Variants in MTOR observed in about 807,000 individuals in gnomAD.
MTOR encodes serine/threonine-protein kinase mTOR.
Under a neutral mutation model 319.8 loss-of-function variants are expected in MTOR, and 70 were observed. The observed-to-expected ratio is 0.22, with a 90% confidence interval of 0.18 to 0.27. The LOEUF is 0.27. Ranked by LOEUF, MTOR falls within the 10% of genes least tolerant of loss-of-function variation. The pLI, the probability that MTOR is intolerant of heterozygous loss-of-function variation, is 1.00. For missense variants in MTOR, 1,890 were observed against 3,274.4 expected (o/e 0.58, Z 10.32); for synonymous variants, 1,183 against 1,211.4 (o/e 0.98, Z 0.49).
At chr1:11,210,965 G>C (rs1646293552) in intron 23 of MTOR, 59 bp from the exon 24 acceptor site, 1 of 1,060,538 alleles carries the variant, frequency 9.4e-7, no homozygotes, top group African/African-American at 1.6e-5. Flanking sequence ...AGAAAAAGTA[G>C]AGGAAAAAAT....
At chr1:11,117,144 T>A in intron 49 of MTOR, 58 bp from the exon 50 acceptor site, 1 of 1,321,060 alleles carries the variant, frequency 7.6e-7, no homozygotes, top group Non-Finnish European at 1.1e-6. Context: ...TCAACATAAT[T>A]ATACTCTAAT....
At chr1:11,225,946 T>C (rs1202256408) in intron 19 of MTOR, among the ~76,000 whole-genome samples, 1 of 152,068 alleles carries the variant, frequency 6.6e-6, no homozygotes, top group Non-Finnish European at 1.5e-5. Flanking sequence ...GCTAAACAGA[T>C]CTTTGAGCCC....
chr1:11,186,303 C>T (rs978343164), intron 28 of MTOR, among the ~76,000 whole-genome samples: 2 of 152,134 alleles, frequency 1.3e-5, no homozygotes, highest in Admixed American at 6.5e-5. Flanking sequence ...GGATCTGATG[C>T]TCCTCTCTGG....
intron 1 of MTOR, among the ~76,000 whole-genome samples, chr1:11,260,220 G>A (rs1650937966): frequency 6.6e-6 from 1 of 152,194 alleles, no homozygotes; most frequent in Non-Finnish European, 1.5e-5. Context: ...TCTAAAAAGA[G>A]AGATTATTAT....
intron 46 of MTOR, among the ~76,000 whole-genome samples, chr1:11,126,231 T>C (rs1642830746): frequency 6.9e-6 from 1 of 144,888 alleles, no homozygotes; most frequent in African/African-American, 2.7e-5. Context: ...GAGACTATGA[T>C]GGTAAAAAAA....
chr1:11,140,982 T>TG (rs1553176466), intron 34 of MTOR, among the ~76,000 whole-genome samples: 4 of 79,570 alleles, frequency 5.0e-5, no homozygotes, highest in Admixed American at 3.7e-4. Flanking sequence ...TTAAGACTTC[T>TG]GAAAAAAAAA....
At chr1:11,178,127 C>T (rs1645043996) in intron 28 of MTOR, among the ~76,000 whole-genome samples, 1 of 152,208 alleles carries the variant, frequency 6.6e-6, no homozygotes, top group South Asian at 2.1e-4. Flanking sequence ...AGGAGTGCTG[C>T]TGATGGCTCC....
Position 11,128,382 on chromosome 1 carries a change from C to T in MTOR, c.5910+72G>A. 1 of 1,491,616 alleles carries T rather than the reference C, an allele frequency of 6.7e-7. No homozygotes were observed. Among genetic ancestry groups the T allele is most frequent in the Non-Finnish European group, 9.3e-7 (1 of 1,072,172 alleles). 92.4% of individuals were successfully genotyped at this position (1,491,616 alleles called of 1,614,324 possible). On this transcript the variant is annotated intron_variant, in intron 42 of 57. Transcript: ENST00000361445. This position sits in a 1 kb window ranked among gnomAD's most constrained non-coding sequence, Gnocchi z 5.3. The stretch of plus-strand genomic sequence containing the variant: ...CTCCCAGTTCCTGCGCTTGTGTCGC[C>T]AGGGCAGCTTTTGGAAAGGCTGACC...
At chr1:11,260,136 A>T (rs1341051444) in intron 1 of MTOR, among the ~76,000 whole-genome samples, 2 of 152,254 alleles carry the variant, frequency 1.3e-5, no homozygotes, top group African/African-American at 4.8e-5. Flanking sequence ...ACATGGCAAA[A>T]TGCCAGGTAA....
At chr1:11,256,314 T>C (rs1442841652) in intron 4 of MTOR, 122 bp from the exon 5 acceptor site, 1 of 1,455,420 alleles carries the variant, frequency 6.9e-7, no homozygotes, top group African/African-American at 1.4e-5. Context: ...CTCACTCTTC[T>C]AGCTAGGAAA....
intron 13 of MTOR, 94 bp from the exon 14 acceptor site, chr1:11,234,359 A>G (rs1481252697): frequency 1.4e-6 from 2 of 1,432,414 alleles, no homozygotes; most frequent in Non-Finnish European, 1.9e-6. Flanking sequence ...AACTGGGGGA[A>G]AAACCCAGAC....
chr1:11,259,527 G>T, intron 1 of MTOR, 104 bp from the exon 2 acceptor site: 1 of 1,293,086 alleles, frequency 7.7e-7, no homozygotes. Context: ...GCCCTTGTCA[G>T]GCAGGGGATT....
intron 28 of MTOR, chr1:11,195,229 C>T (rs1259335833): frequency 1.7e-6 from 1 of 581,806 alleles, no homozygotes; most frequent in African/African-American, 1.9e-5. Flanking sequence ...TTTAAACCCA[C>T]TGGGTCCTGC....
intron 49 of MTOR, among the ~76,000 whole-genome samples, chr1:11,119,784 C>CA (rs939837769): frequency 5.5e-4 from 81 of 146,744 alleles, no homozygotes; most frequent in African/African-American, 1.2e-3. Flanking sequence ...AACAAACAAA[C>CA]AAAAAAAACA....
intron 36 of MTOR, chr1:11,138,907 T>A (rs185533812): frequency 4.4e-4 from 76 of 174,244 alleles, no homozygotes; most frequent in Non-Finnish European, 6.9e-4. Context: ...TCCAAACTGA[T>A]GTCAGGAGAG....
chr1:11,228,576 G>C lies in MTOR; in HGVS notation c.3030+92C>G, dbSNP rs4845986. On this transcript the variant is annotated intron_variant, in intron 19 of 57. Transcript: ENST00000361445. ...GGAAGGCATTGGGCTCAGGGGCACA[G>C]AGAATGCACAATTAAGAAGCTGAAG... is the stretch of plus-strand genomic sequence containing the variant. 1,086,150 of 1,520,452 alleles carry C rather than the reference G, an allele frequency of 0.71. 396,131 individuals are homozygous for C. The highest frequency in any genetic ancestry group is 0.86 in the East Asian group (38,157 of 44,238). The allele number at this position is 1,520,452 out of a possible 1,614,324, so 94.2% of individuals were successfully genotyped here.
rs771541588 is a variant in MTOR at position 11,121,224 on chromosome 1, T to A, written c.6933+22A>T. The A allele has an allele frequency of 1.9e-6, 3 of 1,611,760 alleles. No homozygotes were observed. The highest frequency in any genetic ancestry group is 2.5e-6 in the Non-Finnish European group (3 of 1,179,914). ...AGTGGGGGTTCCAGGAGAGCGCAGGTCTGCAGGGCCCAGTGGCCTACCTCG... is the reference window on the plus strand; with the variant it reads ...AGTGGGGGTTCCAGGAGAGCGCAGGACTGCAGGGCCCAGTGGCCTACCTCG... On this transcript the variant is annotated intron_variant, in intron 49 of 57. Transcript: ENST00000361445. The surrounding 1 kb of genome is among the most constrained non-coding windows in gnomAD (Gnocchi z 4.9).
chr1:11,219,540 T>C (rs1454122253), intron 19 of MTOR, among the ~76,000 whole-genome samples: 1 of 152,120 alleles, frequency 6.6e-6, no homozygotes, highest in African/African-American at 2.4e-5. Flanking sequence ...TAGAGCAGAT[T>C]TTCTAGTATT....
chr1:11,179,336 T>G (rs963909518), intron 28 of MTOR, among the ~76,000 whole-genome samples: 1 of 152,206 alleles, frequency 6.6e-6, no homozygotes, highest in African/African-American at 2.4e-5. Context: ...TAGCACTTTC[T>G]TTCCCTCCCC....
Sources: gnomAD v4.1 joint callset for allele counts (sites outside exome capture counted in the v4.1 genomes callset) on GRCh38, gnomAD v4.1.1 for gene constraint, Gnocchi (gnomAD v3.1) non-coding constraint, MANE v1.5 for transcripts, NCBI Gene and HGNC (gene_info 2026-07-23, HGNC 2026-07-21) for gene names.